The following RIN2 variants were observed in gnomAD, a reference collection of about 807,000 sequenced individuals.
The protein encoded by RIN2 is RAB5 interacting protein 2.
RIN2 carries 36 observed loss-of-function variants against 78.0 expected under a neutral mutation model. The ratio of observed to expected loss-of-function variants is 0.46; its 90% CI spans 0.35 to 0.61. The LOEUF (loss-of-function observed/expected upper bound fraction) is 0.61, where lower values mean the gene tolerates loss of function less well. Among genes scored for constraint, RIN2 ranks in the 20% least tolerant of loss-of-function variants. The pLI is 0.00. For missense variants in RIN2, 1,087 were observed against 1,159.7 expected, an observed-to-expected ratio of 0.94 and a Z score of 0.91; for synonymous variants, 466 against 466.8, an observed-to-expected ratio of 1.00 and a Z score of 0.02.
intron 2 of RIN2, among the ~76,000 whole-genome samples, chr20:19,810,805 C>T (rs1268717951): frequency 6.0e-5 from 9 of 149,456 alleles, no homozygotes; most frequent in Admixed American, 4.0e-4. Flanking sequence ...GCCATTCTCC[C>T]GCCTCAGCCT....
intron 2 of RIN2, among the ~76,000 whole-genome samples, chr20:19,834,183 A>G (rs555813612): frequency 6.6e-6 from 1 of 152,328 alleles, no homozygotes; most frequent in East Asian, 1.9e-4. Flanking sequence ...GCCCATAGGC[A>G]GCTCCCTAAA....
intron 3 of RIN2, among the ~76,000 whole-genome samples, chr20:19,930,767 C>T (rs980285224): frequency 3.9e-5 from 6 of 152,168 alleles, no homozygotes. Context: ...CTCCCCTCAA[C>T]CCCTTCCTTG....
At chr20:19,966,525 C>T (rs1470331099) in intron 7 of RIN2, among the ~76,000 whole-genome samples, 2 of 151,886 alleles carry the variant, frequency 1.3e-5, no homozygotes, top group Non-Finnish European at 1.5e-5. Context: ...GGTTTTACCA[C>T]GTTGGCCAGG....
At chr20:19,950,790 A>G (rs1161488159) in intron 4 of RIN2, among the ~76,000 whole-genome samples, 1 of 150,706 alleles carries the variant, frequency 6.6e-6, no homozygotes, top group Non-Finnish European at 1.5e-5. Context: ...GCTCACTGCA[A>G]CCTCCACTTC....
intron 2 of RIN2, among the ~76,000 whole-genome samples, chr20:19,804,682 G>T (rs1306612907): frequency 6.6e-6 from 1 of 152,110 alleles, no homozygotes; most frequent in Admixed American, 6.6e-5. Context: ...ATCTCTGCCA[G>T]GTTTTGGTAT....
At chr20:19,973,257 CA>C (rs1376823889) in intron 8 of RIN2, among the ~76,000 whole-genome samples, 3 of 152,190 alleles carry the variant, frequency 2.0e-5, no homozygotes, top group African/African-American at 4.8e-5. Flanking sequence ...TTGTACTAGC[CA>C]ACTTCAAGTG....
chr20:19,900,945 CAAAAA>C (rs869239642), intron 3 of RIN2, among the ~76,000 whole-genome samples: 3 of 29,570 alleles, frequency 1.0e-4, no homozygotes, highest in Non-Finnish European at 8.4e-5. Context: ...AGCTCTGTCT[CAAAAA>C]AAAAAAAAAA....
intron 3 of RIN2, among the ~76,000 whole-genome samples, chr20:19,920,915 C>A (rs1278984446): frequency 6.6e-6 from 1 of 152,202 alleles, no homozygotes; most frequent in African/African-American, 2.4e-5. Context: ...TCAAGTGATC[C>A]ACCTGCCTCT....
At chr20:19,828,558 C>G (rs1355475467) in intron 2 of RIN2, among the ~76,000 whole-genome samples, 3 of 152,230 alleles carry the variant, frequency 2.0e-5, no homozygotes, top group Non-Finnish European at 4.4e-5. Flanking sequence ...CCTGTCATCA[C>G]AGTAGCCCTT....
At chr20:19,925,754 G>T (rs1444348143) in intron 3 of RIN2, among the ~76,000 whole-genome samples, 1 of 152,206 alleles carries the variant, frequency 6.6e-6, no homozygotes, top group Admixed American at 6.5e-5. Flanking sequence ...GACAAGCAGC[G>T]TGGACACTTT....
intron 2 of RIN2, among the ~76,000 whole-genome samples, chr20:19,845,019 T>C (rs916842545): frequency 4.6e-5 from 7 of 152,080 alleles, no homozygotes; most frequent in African/African-American, 1.7e-4. Context: ...TTGCTGAGAA[T>C]GATGGTTTCC....
In RIN2 at chr20:19,784,694, G is replaced by A. The variant is rs547878783; in HGVS notation, c.-162-14928G>A. 4.6e-5 allele frequency among the ~76,000 whole-genome samples: 7 copies of A among 152,318 alleles called. No homozygotes were observed. The South Asian group carries it at 6.2e-4, about 14-fold the overall frequency. ...AGAAGTATCCAGGTCCAGCCAGGCAGGCTCCGGAGCCCGCCCCTGTCTAGA... is the reference window on the plus strand; with the variant it reads ...AGAAGTATCCAGGTCCAGCCAGGCAAGCTCCGGAGCCCGCCCCTGTCTAGA... On this transcript the variant is annotated intron_variant, in intron 1 of 12. Coordinates refer to ENST00000255006, the MANE Select transcript of RIN2 (RefSeq NM_018993.4).
chr20:19,803,239 T>C (rs2035303855), intron 2 of RIN2, among the ~76,000 whole-genome samples: 1 of 152,178 alleles, frequency 6.6e-6, no homozygotes, highest in African/African-American at 2.4e-5. Context: ...CTGATAATAA[T>C]AAGGATAAGC....
At chr20:19,914,088 T>C (rs1367291814) in intron 3 of RIN2, among the ~76,000 whole-genome samples, 3 of 152,216 alleles carry the variant, frequency 2.0e-5, no homozygotes, top group Non-Finnish European at 4.4e-5. Flanking sequence ...CCAGGTGGCT[T>C]TAATAACAGT....
chr20:19,861,498 G>GATATCTGATCACCCTCC (rs961631735), intron 2 of RIN2, among the ~76,000 whole-genome samples: 1 of 151,976 alleles, frequency 6.6e-6, no homozygotes, highest in Non-Finnish European at 1.5e-5. Context: ...CCCTGCCCTC[G>GATATCTGATCACCCTCC]ATATCTGATC....
intron 2 of RIN2, among the ~76,000 whole-genome samples, chr20:19,834,953 G>C (rs926400142): frequency 6.7e-6 from 1 of 149,504 alleles, no homozygotes; most frequent in African/African-American, 2.5e-5. Context: ...AGAAAAGAGA[G>C]AGAGAGAGAG....
chr20:19,788,439 A>AAAAAAAAAAC lies in RIN2; in HGVS notation c.-162-11174_-162-11173insCAAAAAAAAA, dbSNP rs59971778. Among the ~76,000 whole-genome samples, 271 of 133,020 alleles carry AAAAAAAAAAC rather than the reference A, an allele frequency of 2.0e-3. 3 individuals are homozygous for AAAAAAAAAAC. Among genetic ancestry groups the AAAAAAAAAAC allele is most frequent in the African/African-American group, 8.2e-3 (250 of 30,586 alleles). The allele number at this position is 133,020 out of a possible 152,430, so 87.3% of individuals were successfully genotyped here. On this transcript the variant is annotated intron_variant, in intron 1 of 12. Coordinates refer to ENST00000255006, the MANE Select transcript of RIN2 (RefSeq NM_018993.4). ...GCGAAATCCTGTCTCTGCCAAAAAA[A>AAAAAAAAAAC]AAAAAAAAAACAACTAGCTAGGCAT...
At chr20:19,821,910 G>T (rs1293703125) in intron 2 of RIN2, among the ~76,000 whole-genome samples, 1 of 152,162 alleles carries the variant, frequency 6.6e-6, no homozygotes, top group Non-Finnish European at 1.5e-5. Flanking sequence ...CATTATAGAT[G>T]TTCAGTCATG....
At chr20:19,880,534 C>T (rs889468807) in intron 2 of RIN2, among the ~76,000 whole-genome samples, 2 of 151,054 alleles carry the variant, frequency 1.3e-5, no homozygotes, top group African/African-American at 4.9e-5. Flanking sequence ...TGGCTGGGAC[C>T]ACAGATACAT....
Sources: gnomAD v4.1 joint callset for allele counts (sites outside exome capture counted in the v4.1 genomes callset) on GRCh38, gnomAD v4.1.1 for gene constraint, MANE v1.5 for transcripts, NCBI Gene and HGNC (gene_info 2026-07-23, HGNC 2026-07-21) for gene names.